RBMS3: variants seen among roughly 807,000 people sequenced by gnomAD.
The protein encoded by RBMS3 is RNA-binding motif, single-stranded-interacting protein 3.
In RBMS3, 27 loss-of-function variants were observed where a neutral mutation model predicts 66.8. That is an observed-to-expected ratio of 0.40 (90% CI 0.30 to 0.56). The LOEUF (loss-of-function observed/expected upper bound fraction) is 0.56, where lower values mean the gene tolerates loss of function less well. RBMS3 is among the 20% of genes least tolerant of loss of function. The probability of loss-of-function intolerance (pLI) is 0.40; values close to 1 mark genes in which losing one functional copy is unlikely to be tolerated. For synonymous variants in RBMS3, 188 were observed against 183.0 expected, an observed-to-expected ratio of 1.03 and a Z score of -0.22; for missense variants, 513 against 549.5, an observed-to-expected ratio of 0.93 and a Z score of 0.66.
At chr3:29,555,882 C>CA (rs2046343428) in intron 3 of RBMS3, among the ~76,000 whole-genome samples, 1 of 103,790 alleles carries the variant, frequency 9.6e-6, no homozygotes, top group Non-Finnish European at 2.1e-5. Context: ...AGACATATTT[C>CA]AAAAGCTTTT....
chr3:29,993,265 T>C (rs556189393), intron 14 of RBMS3, among the ~76,000 whole-genome samples: 1 of 152,350 alleles, frequency 6.6e-6, no homozygotes, highest in Non-Finnish European at 1.5e-5. Context: ...AAACTAATAC[T>C]GTGGTAGACT....
chr3:29,311,702 T>C (rs139709041), intron 1 of RBMS3, among the ~76,000 whole-genome samples: 12 of 152,002 alleles, frequency 7.9e-5, no homozygotes, highest in Non-Finnish European at 1.5e-4. Flanking sequence ...CATTGAAATC[T>C]ACATTTAGAA....
chr3:29,887,999 G>T (rs1318816585), intron 8 of RBMS3, among the ~76,000 whole-genome samples: 1 of 151,722 alleles, frequency 6.6e-6, no homozygotes, highest in African/African-American at 2.4e-5. Context: ...AACACAGTGA[G>T]CATTTCTCTT....
chr3:29,880,468 C>T (rs189963377), intron 7 of RBMS3, among the ~76,000 whole-genome samples: 1 of 152,128 alleles, frequency 6.6e-6, no homozygotes, highest in Non-Finnish European at 1.5e-5. Context: ...ATGATGATTT[C>T]ATGGTCCTAG....
chr3:30,003,244 A>G (rs1699688853), intron 14 of RBMS3, among the ~76,000 whole-genome samples: 1 of 152,056 alleles, frequency 6.6e-6, no homozygotes. Context: ...GCAAAGTGGC[A>G]TATAGTAAAA....
intron 4 of RBMS3, among the ~76,000 whole-genome samples, chr3:29,631,097 A>C (rs142399553): frequency 1.5e-4 from 23 of 152,092 alleles, no homozygotes; most frequent in African/African-American, 5.5e-4. Context: ...TGGTATTAAG[A>C]GAAGTGACTC....
At chr3:29,798,700 C>G (rs1324036324) in intron 6 of RBMS3, among the ~76,000 whole-genome samples, 1 of 152,120 alleles carries the variant, frequency 6.6e-6, no homozygotes, top group African/African-American at 2.4e-5. Flanking sequence ...TTATAGAACC[C>G]TCACCTTAGC....
At chr3:29,959,693 G>A (rs920849669) in intron 12 of RBMS3, among the ~76,000 whole-genome samples, 7 of 152,106 alleles carry the variant, frequency 4.6e-5, no homozygotes, top group South Asian at 2.1e-4. Flanking sequence ...TGCAGGGCTC[G>A]GGAGGCCTCA....
At position 29,936,129 on chromosome 3, in the gene RBMS3, A is replaced by C. The variant is rs778363329; in HGVS notation, c.983A>C (p.Gln328Pro). 13 of 1,613,262 alleles carry C rather than the reference A, an allele frequency of 8.1e-6. No individual in the cohort carries two copies. The highest frequency in any genetic ancestry group is 5.5e-5 in the South Asian group (5 of 91,024). ...TPTMDHPMSM[Q>P]PANMMGPLTQ... The stretch of plus-strand genomic sequence containing the variant: ...ACCATGGACCATCCCATGTCAATGC[A>C]GCCAGCCAACATGATGGGCCCACTG... Residue 328 changes from glutamine to proline, a missense_variant, in exon 11 of 15, where the codon CAG (glutamine) becomes CCG (proline). Coordinates refer to ENST00000383767, the MANE Select transcript of RBMS3 (RefSeq NM_001003793.3).
chr3:29,296,451 A>G (rs1005870046), intron 1 of RBMS3, among the ~76,000 whole-genome samples: 3 of 151,754 alleles, frequency 2.0e-5, no homozygotes, highest in Non-Finnish European at 2.9e-5. Flanking sequence ...AAGTAATGTC[A>G]TGGTTTATCA....
chr3:29,522,752 C>T (rs2148976362), intron 3 of RBMS3, among the ~76,000 whole-genome samples: 1 of 152,204 alleles, frequency 6.6e-6, no homozygotes, highest in Non-Finnish European at 1.5e-5. Flanking sequence ...ATTGGCCAAT[C>T]CTACTGGAAT....
At chr3:29,695,236 A>C (rs372396711) in intron 4 of RBMS3, among the ~76,000 whole-genome samples, 16 of 152,230 alleles carry the variant, frequency 1.1e-4, no homozygotes, top group African/African-American at 3.9e-4. Context: ...GAAAGGATAA[A>C]TAAAACTAAC....
chr3:29,825,525 G>A (rs1231005089), intron 6 of RBMS3, among the ~76,000 whole-genome samples: 1 of 152,090 alleles, frequency 6.6e-6, no homozygotes, highest in Non-Finnish European at 1.5e-5. Flanking sequence ...TAGTGAATAA[G>A]TCTCACTAGA....
At chr3:29,505,506 G>GTTTTTTTTTT (rs749285833) in intron 3 of RBMS3, among the ~76,000 whole-genome samples, 6 of 107,288 alleles carry the variant, frequency 5.6e-5, no homozygotes, top group African/African-American at 1.4e-4. Flanking sequence ...CTTCAATTTT[G>GTTTTTTTTTT]TTTTTTTTTT....
chr3:29,596,838 G>A (rs2047962428), intron 4 of RBMS3, among the ~76,000 whole-genome samples: 1 of 152,084 alleles, frequency 6.6e-6, no homozygotes, highest in African/African-American at 2.4e-5. Context: ...AATGAATATG[G>A]GAATGAACAA....
Position 29,843,650 on chromosome 3 carries a change from G to A in RBMS3, c.638-25208G>A, listed in dbSNP as rs375400615. ...CTATTGTTTATCTGGGGAATAAAGAGCCAAATGTTAAAAGTTGCCTTCAGC... is the reference window on the plus strand; with the variant it reads ...CTATTGTTTATCTGGGGAATAAAGAACCAAATGTTAAAAGTTGCCTTCAGC... On this transcript the variant is annotated intron_variant, in intron 6 of 14. Coordinates refer to ENST00000383767, the MANE Select transcript of RBMS3 (RefSeq NM_001003793.3). Among the ~76,000 whole-genome samples, 38 of 152,228 alleles carry A rather than the reference G, an allele frequency of 2.5e-4. No individual in the cohort carries two copies. The East Asian group carries it at 3.5e-3, about 14-fold the overall frequency.
intron 1 of RBMS3, among the ~76,000 whole-genome samples, chr3:29,306,993 T>C (rs2034057242): frequency 6.6e-6 from 1 of 151,936 alleles, no homozygotes; most frequent in African/African-American, 2.4e-5. Context: ...CATTTAAATT[T>C]ATTCGTTAGA....
intron 12 of RBMS3, among the ~76,000 whole-genome samples, chr3:29,946,884 G>T (rs978811696): frequency 6.6e-6 from 1 of 151,468 alleles, no homozygotes; most frequent in African/African-American, 2.4e-5. Context: ...GATTTTCTGC[G>T]GTCATGATTA....
chr3:29,857,849 G>A (rs1475040451), intron 6 of RBMS3, among the ~76,000 whole-genome samples: 1 of 152,042 alleles, frequency 6.6e-6, no homozygotes, highest in Non-Finnish European at 1.5e-5. Context: ...TAGTGGAGAG[G>A]AACATGGGAA....
Sources: gnomAD v4.1 joint callset for allele counts (sites outside exome capture counted in the v4.1 genomes callset) on GRCh38, gnomAD v4.1.1 for gene constraint, MANE v1.5 for transcripts, NCBI Gene and HGNC (gene_info 2026-07-23, HGNC 2026-07-21) for gene names.